Variants in MYH16 observed in about 807,000 individuals in gnomAD.
MYH16 encodes myosin heavy chain 16.
chr7:99,308,293 TAAAAA>T (rs10556699), downstream of MYH16, among the ~76,000 whole-genome samples: 12 of 40,158 alleles, frequency 3.0e-4, no homozygotes, highest in African/African-American at 8.0e-4. Flanking sequence ...AGGCTCTGTC[TAAAAA>T]AAAAAAAAAA....
chr7:99,279,678 C>A lies in MYH16; in HGVS notation n.2828C>A, dbSNP rs1191943911. 3 of 456,612 alleles carry A rather than the reference C, an allele frequency of 6.6e-6. No individual in the cohort carries two copies. The East Asian group carries it at 2.1e-4, about 32-fold the overall frequency. The allele number at this position is 456,612 out of a possible 1,614,324, so 28.3% of individuals were successfully genotyped here. A position where few individuals can be genotyped will look rare whatever the true frequency, so the allele number is the denominator to read the frequency against. On this transcript the variant is annotated non_coding_transcript_exon_variant, in exon 22 of 42. Coordinates refer to ENST00000439784, the Ensembl canonical transcript of MYH16. ...CAAGTTGGAAGGGGAGCTGAGCGAC[C>A]TGAAGCGGGACCTAGAGGGCCTGGA...
At chr7:99,274,993 GA>G (rs981265027) in intron 20 of MYH16, among the ~76,000 whole-genome samples, 6 of 147,420 alleles carry the variant, frequency 4.1e-5, no homozygotes, top group East Asian at 4.0e-4. Context: ...TTTTATTTTG[GA>G]AAAAAAAAAT....
intron 39 of MYH16, among the ~76,000 whole-genome samples, chr7:99,303,838 C>T (rs2150838764): frequency 6.6e-6 from 1 of 152,248 alleles, no homozygotes; most frequent in East Asian, 1.9e-4. Flanking sequence ...TAAAAGCAAA[C>T]AGCCTTGAGG....
rs1432234147 is a variant in MYH16, at chr7:99,246,428, G to A, written n.355-1166G>A. Among the ~76,000 whole-genome samples the A allele has an allele frequency of 9.2e-5, 14 of 152,100 alleles. 1 individual carries two copies. The highest frequency in any genetic ancestry group is 7.2e-4 in the Admixed American group (11 of 15,262). ...TATAAAACAGTACTATAGGCTGGGC[G>A]CAGTGGCTCACACCTGTGATCCCAG... On this transcript the variant is annotated intron_variant and non_coding_transcript_variant, in intron 2 of 41. Coordinates refer to ENST00000439784, the Ensembl canonical transcript of MYH16.
At chr7:99,249,572 GTTTT>G (rs1195632373) in intron 4 of MYH16, among the ~76,000 whole-genome samples, 1 of 116,768 alleles carries the variant, frequency 8.6e-6, no homozygotes, top group Admixed American at 9.4e-5. Context: ...GAAAAGTGCT[GTTTT>G]TTTTTTTTTT....
At chr7:99,282,580 C>T (rs1792214458) in intron 23 of MYH16, among the ~76,000 whole-genome samples, 1 of 151,980 alleles carries the variant, frequency 6.6e-6, no homozygotes, top group South Asian at 2.1e-4. Context: ...TCAGGTGATC[C>T]TCCCACCTCA....
At chr7:99,291,908 A>C (rs886177331) in intron 31 of MYH16, among the ~76,000 whole-genome samples, 14 of 152,190 alleles carry the variant, frequency 9.2e-5, no homozygotes, top group African/African-American at 3.4e-4. Flanking sequence ...GCACCATTGC[A>C]CTCCAGCCTG....
rs1214547047 is a variant in MYH16 at position 99,279,495 on chromosome 7, T to C, written n.2660-15T>C. 1 of 455,966 alleles carries C rather than the reference T, an allele frequency of 2.2e-6. No individual in the cohort carries two copies. The highest frequency in any genetic ancestry group is 2.4e-5 in the Admixed American group (1 of 42,516). 28.2% of individuals were successfully genotyped at this position (455,966 alleles called of 1,614,324 possible). A position where few individuals can be genotyped will look rare whatever the true frequency, so the allele number is the denominator to read the frequency against. ...CCTGGACCCTGTCCTCGACCGGGGC[T>C]CTTTCTCCCAACAGGAGCAAGAGAA... On this transcript the variant is annotated splice_polypyrimidine_tract_variant and intron_variant and non_coding_transcript_variant, in intron 21 of 41. Transcript: ENST00000439784.
chr7:99,306,914 C>G (rs1343746933), downstream of MYH16: 1 of 152,558 alleles, frequency 6.6e-6, no homozygotes, highest in African/African-American at 2.4e-5. Flanking sequence ...AGTATTGGTA[C>G]TATGTGACCC....
At chr7:99,248,919 G>C (rs1791771673) in intron 3 of MYH16, 1 of 152,618 alleles carries the variant, frequency 6.6e-6, no homozygotes, top group Non-Finnish European at 1.5e-5. Flanking sequence ...TGACTGGCTG[G>C]GGCATTGTCG....
rs1335702654 is a variant in MYH16, at chr7:99,273,332, C to T, written n.2404-10C>T. On this transcript the variant is annotated splice_polypyrimidine_tract_variant and intron_variant and non_coding_transcript_variant, in intron 19 of 41. Transcript: ENST00000439784. ...ATTGTAACCCACTCAACCCTGGATT[C>T]TTTTCGCAGAATGGGCCTGAAAGTC... The T allele has an allele frequency of 2.2e-6, 1 of 456,606 alleles. No individual in the cohort carries two copies. Among genetic ancestry groups the T allele is most frequent in the East Asian group, 6.9e-5 (1 of 14,392 alleles). The allele number at this position is 456,606 out of a possible 1,614,324, so 28.3% of individuals were successfully genotyped here.
In MYH16 at chr7:99,304,075, C is replaced by T. The variant is rs116653646; in HGVS notation, n.5264-511C>T. Among the ~76,000 whole-genome samples, 1,167 of 152,250 alleles carry T rather than the reference C, an allele frequency of 7.7e-3. 13 individuals are homozygous for T. Among genetic ancestry groups the T allele is most frequent in the African/African-American group, 0.026 (1,085 of 41,542 alleles). ...CATCATCAGGCTCCTCTCACTTGAT[C>T]GAAATCTCAGGAGTTCAGGAACATT... On this transcript the variant is annotated intron_variant and non_coding_transcript_variant, in intron 39 of 41. Coordinates refer to ENST00000439784, the Ensembl canonical transcript of MYH16.
At position 99,249,019 on chromosome 7, in the gene MYH16, G is replaced by A. The variant is rs548416351; in HGVS notation, n.539+1G>A. On this transcript the variant is annotated splice_donor_variant and non_coding_transcript_variant, in intron 4 of 41. Coordinates refer to ENST00000439784, the Ensembl canonical transcript of MYH16. ...GTGAGAATCAGTCTATGCTAATCAC[G>A]TAAGTGTCTCTTCCATCTCTGTCTA... 6.6e-5 allele frequency: 10 copies of A among 152,552 alleles called. No individual in the cohort carries two copies. In the South Asian group the frequency reaches 2.1e-3, roughly 32 times the overall value. 9.4% of individuals were successfully genotyped at this position (152,552 alleles called of 1,614,324 possible). A position where few individuals can be genotyped will look rare whatever the true frequency, so the allele number is the denominator to read the frequency against.
At chr7:99,259,492 C>G (rs997523592) in intron 11 of MYH16, among the ~76,000 whole-genome samples, 1 of 151,836 alleles carries the variant, frequency 6.6e-6, no homozygotes, top group Non-Finnish European at 1.5e-5. Context: ...GAGTTTCACA[C>G]TTTTTCCCCA....
intron 33 of MYH16, among the ~76,000 whole-genome samples, chr7:99,295,836 G>GAAAC (rs1792479436): frequency 1.8e-5 from 1 of 56,790 alleles, no homozygotes; most frequent in Non-Finnish European, 3.3e-5. Flanking sequence ...TCATCTCTTG[G>GAAAC]AAAAAAAAAA....
intron 23 of MYH16, among the ~76,000 whole-genome samples, chr7:99,283,134 T>C (rs938276801): frequency 9.9e-5 from 15 of 152,196 alleles, no homozygotes; most frequent in African/African-American, 3.6e-4. Context: ...AGGGTCTCAC[T>C]GTTGCTCAGG....
intron 2 of MYH16, among the ~76,000 whole-genome samples, chr7:99,246,888 A>G (rs1791738999): frequency 6.6e-6 from 1 of 152,082 alleles, no homozygotes; most frequent in Non-Finnish European, 1.5e-5. Flanking sequence ...GTTCAAGTTA[A>G]TGATTTCCAA....
At chr7:99,264,321 G>T (rs529945728) in intron 15 of MYH16, 2 of 152,798 alleles carry the variant, frequency 1.3e-5, no homozygotes, top group Admixed American at 6.5e-5. Context: ...GAGCAGGGGT[G>T]CCCCCAACCC....
intron 40 of MYH16, among the ~76,000 whole-genome samples, chr7:99,305,142 T>C (rs951730703): frequency 6.6e-6 from 1 of 151,622 alleles, no homozygotes; most frequent in Non-Finnish European, 1.5e-5. Flanking sequence ...TGAGCTATGA[T>C]AGCACTACTG....
Sources: allele counts gnomAD v4.1 joint callset (sites outside exome capture counted in the v4.1 genomes callset), GRCh38; gene constraint gnomAD v4.1.1; transcripts MANE v1.5; gene names NCBI Gene and HGNC (gene_info 2026-07-23, HGNC 2026-07-21).